The following SLC14A2 variants were observed in gnomAD, a reference collection of about 807,000 sequenced individuals.
SLC14A2 encodes urea transporter 2.
Under a neutral mutation model 104.6 loss-of-function variants are expected in SLC14A2, and 91 were observed. The ratio of observed to expected loss-of-function variants is 0.87; its 90% CI spans 0.73 to 1.04. The LOEUF is 1.04. Among genes scored for constraint, SLC14A2 ranks in the 50% least tolerant of loss-of-function variants. The pLI, the probability that SLC14A2 is intolerant of heterozygous loss-of-function variation, is 0.00. For missense variants in SLC14A2, 1,189 were observed against 1,156.0 expected (o/e 1.03, Z -0.41); for synonymous variants, 476 against 466.4 (o/e 1.02, Z -0.27).
intron 1 of SLC14A2, among the ~76,000 whole-genome samples, chr18:45,268,599 C>G (rs1031212514): frequency 1.3e-5 from 2 of 152,226 alleles, no homozygotes; most frequent in Admixed American, 1.3e-4. Flanking sequence ...TACATGAAGT[C>G]TAAATGTGTG....
chr18:45,547,608 C>A (rs904355674), intron 2 of SLC14A2, among the ~76,000 whole-genome samples: 1 of 152,216 alleles, frequency 6.6e-6, no homozygotes, highest in African/African-American at 2.4e-5. Context: ...CCCTTGTGGG[C>A]CTTCTGATGA....
Position 45,625,779 on chromosome 18 carries a change from T to C in SLC14A2, c.247T>C (p.Ser83Pro), listed in dbSNP as rs772290901. The change falls in exon 3 of 20, where the codon TCA becomes CCA. Residue 83 changes from serine (S) to proline (P), a missense_variant. Ser to Pro is a moderately conservative substitution (Grantham distance 74). Transcript: ENST00000255226. The part of the protein sequence containing the change: ...RKDDGVAHRD[S>P]AGQRCICLSK... Reference sequence around the variant, plus strand: ...AGACGACGGGGTGGCCCATCGGGACTCAGCAGGCCAAAGGTGCATCTGCCT... The same window carrying C: ...AGACGACGGGGTGGCCCATCGGGACCCAGCAGGCCAAAGGTGCATCTGCCT... The C allele has an allele frequency of 6.4e-7, 1 of 1,557,926 alleles. No individual in the cohort carries two copies. Among genetic ancestry groups the C allele is most frequent in the Admixed American group, 2.1e-5 (1 of 48,508 alleles).
intron 1 of SLC14A2, among the ~76,000 whole-genome samples, chr18:45,416,354 A>G (rs1275529659): frequency 1.3e-5 from 2 of 151,798 alleles, no homozygotes; most frequent in African/African-American, 4.8e-5. Context: ...CTCTACACCA[A>G]ATAACCTTGT....
At chr18:45,467,346 G>A (rs1426111541) in intron 1 of SLC14A2, among the ~76,000 whole-genome samples, 2 of 152,104 alleles carry the variant, frequency 1.3e-5, no homozygotes, top group African/African-American at 2.4e-5. Flanking sequence ...GTTTCTCTGC[G>A]GATGTTATGT....
chr18:45,386,623 G>A (rs1474204844), intron 1 of SLC14A2, among the ~76,000 whole-genome samples: 7 of 152,168 alleles, frequency 4.6e-5, no homozygotes, highest in East Asian at 1.9e-4. Context: ...AACACATAGC[G>A]CAGACTCCTC....
chr18:45,386,680 C>T, intron 1 of SLC14A2, among the ~76,000 whole-genome samples: 1 of 152,330 alleles, frequency 6.6e-6, no homozygotes. Context: ...ATTAGAAGAA[C>T]ATCATGGTTG....
chr18:45,318,584 T>A (rs2085154297), intron 1 of SLC14A2, among the ~76,000 whole-genome samples: 1 of 152,038 alleles, frequency 6.6e-6, no homozygotes, highest in Non-Finnish European at 1.5e-5. Flanking sequence ...GGTCAGGAGT[T>A]CGAGACCAGC....
intron 2 of SLC14A2, among the ~76,000 whole-genome samples, chr18:45,507,733 T>C (rs745781754): frequency 2.0e-4 from 30 of 152,192 alleles, no homozygotes; most frequent in Non-Finnish European, 3.8e-4. Flanking sequence ...AAGGGACTTT[T>C]AAGCTACTTG....
At chr18:45,570,939 GT>G (rs2044336667) in intron 2 of SLC14A2, among the ~76,000 whole-genome samples, 1 of 152,208 alleles carries the variant, frequency 6.6e-6, no homozygotes, top group South Asian at 2.1e-4. Context: ...TGCCATGCAT[GT>G]AGTAGGCACT....
chr18:45,666,192 A>C lies in SLC14A2; in HGVS notation c.1530A>C (p.Arg510=). The stretch of plus-strand genomic sequence containing the variant: ...AAAACAAAGACCCATTTCCCTATCG[A>C]TACCGGAAGCCCACAGTCGAGCTGC... ...ERQNKDPFPY[R]YRKPTVELLD... The change falls in exon 12 of 20, where the codon CGA becomes CGC. Residue 510 remains arginine (R), a synonymous_variant. Transcript: ENST00000255226. 4 of 1,613,594 alleles carry C rather than the reference A, an allele frequency of 2.5e-6. No homozygotes were observed. The highest frequency in any genetic ancestry group is 3.4e-6 in the Non-Finnish European group (4 of 1,179,532).
intron 2 of SLC14A2, among the ~76,000 whole-genome samples, chr18:45,547,912 G>A (rs751611498): frequency 2.0e-5 from 3 of 152,176 alleles, no homozygotes; most frequent in African/African-American, 4.8e-5. Flanking sequence ...GGTTGGCCTG[G>A]GGTGATCAGA....
intron 10 of SLC14A2, among the ~76,000 whole-genome samples, chr18:45,649,991 A>G (rs2045703453): frequency 6.6e-6 from 1 of 152,200 alleles, no homozygotes; most frequent in African/African-American, 2.4e-5. Context: ...CAGCTTAGCA[A>G]CTTTTCTTCT....
intron 1 of SLC14A2, among the ~76,000 whole-genome samples, chr18:45,361,696 G>A (rs974681409): frequency 1.3e-5 from 2 of 152,160 alleles, no homozygotes; most frequent in Non-Finnish European, 2.9e-5. Context: ...GCACAGTCCT[G>A]GCAGCCCTCT....
At chr18:45,533,556 A>G (rs1297555473) in intron 2 of SLC14A2, among the ~76,000 whole-genome samples, 1 of 151,894 alleles carries the variant, frequency 6.6e-6, no homozygotes, top group Non-Finnish European at 1.5e-5. Flanking sequence ...CCCCTTTGTC[A>G]TTTTTTATTG....
At chr18:45,220,917 C>T (rs1026173880) in intron 1 of SLC14A2, among the ~76,000 whole-genome samples, 9 of 152,288 alleles carry the variant, frequency 5.9e-5, no homozygotes, top group African/African-American at 2.2e-4. Context: ...CCTCACACAG[C>T]CTTTTCTCTG....
chr18:45,324,046 C>T (rs114453563), intron 1 of SLC14A2, among the ~76,000 whole-genome samples: 426 of 152,230 alleles, frequency 2.8e-3, no homozygotes, highest in African/African-American at 9.9e-3. Flanking sequence ...GCACAAAAAC[C>T]CTTTCTTTAG....
chr18:45,417,454 C>T (rs1210656144), intron 1 of SLC14A2, among the ~76,000 whole-genome samples: 2 of 152,168 alleles, frequency 1.3e-5, no homozygotes, highest in Admixed American at 6.5e-5. Context: ...AACTTACAAT[C>T]GTGGCAGAAG....
chr18:45,213,630 C>G (rs1019954935), intron 1 of SLC14A2, among the ~76,000 whole-genome samples: 5 of 152,104 alleles, frequency 3.3e-5, no homozygotes, highest in Non-Finnish European at 5.9e-5. Flanking sequence ...GACTGAGTAA[C>G]ATGGAAGAGG....
chr18:45,203,191 G>T, the SLC14A2 span, among the ~76,000 whole-genome samples: 34 of 152,318 alleles, frequency 2.2e-4, 1 homozygote, highest in South Asian at 3.9e-3. Context: ...AGGGACTAAG[G>T]AGTGGGGAAG....
Sources: allele counts gnomAD v4.1 joint callset (sites outside exome capture counted in the v4.1 genomes callset), GRCh38; gene constraint gnomAD v4.1.1; transcripts MANE v1.5; gene names NCBI Gene and HGNC (gene_info 2026-07-23, HGNC 2026-07-21).